NAV2: variants seen among roughly 807,000 people sequenced by gnomAD.
NAV2 encodes neuron navigator 2.
A neutral mutation model predicts 223.2 loss-of-function variants in NAV2; 54 were observed. The ratio of observed to expected loss-of-function variants is 0.24; its 90% CI spans 0.19 to 0.30. The LOEUF (loss-of-function observed/expected upper bound fraction) is 0.30. Among genes scored for constraint, NAV2 ranks in the 10% least tolerant of loss-of-function variants. NAV2 has a pLI of 1.00. For missense variants in NAV2, 2,806 were observed against 3,147.5 expected (o/e 0.89, Z 2.60); for synonymous variants, 1,279 against 1,239.3 (o/e 1.03, Z -0.67).
intron 12 of NAV2, among the ~76,000 whole-genome samples, chr11:20,042,900 C>T (rs1239453294): frequency 6.6e-6 from 1 of 152,158 alleles, no homozygotes; most frequent in East Asian, 1.9e-4. Context: ...TTCTGGTCAG[C>T]TTTATGCCTT....
intron 1 of NAV2, among the ~76,000 whole-genome samples, chr11:19,648,694 A>G (rs1017242412): frequency 6.6e-6 from 1 of 151,982 alleles, no homozygotes; most frequent in African/African-American, 2.4e-5. Flanking sequence ...GACTTTTTCT[A>G]CTCTGCTATG....
chr11:20,045,263 G>A lies in NAV2; in HGVS notation c.3495G>A (p.Arg1165=). Residue 1165 remains arginine, a synonymous_variant, in exon 14 of 38, where the codon CGG becomes CGA. Coordinates refer to ENST00000349880, the MANE Select transcript of NAV2 (RefSeq NM_145117.5). ...SSALVSRSAG[R]KSSMDGAQNQ... ...CACTCGTCAGTCGGTCTGCTGGTCG[G>A]AAGTCAAGTATGGATGGGGCTCAGA... 1 of 1,614,188 alleles carries A rather than the reference G, an allele frequency of 6.2e-7. No homozygotes were observed. Among genetic ancestry groups the A allele is most frequent in the African/African-American group, 1.3e-5 (1 of 75,052 alleles).
intron 19 of NAV2, among the ~76,000 whole-genome samples, chr11:20,061,935 G>A (rs2058735235): frequency 6.6e-6 from 1 of 152,200 alleles, no homozygotes; most frequent in African/African-American, 2.4e-5. Context: ...AGCGAAATAT[G>A]CTGGAACAGT....
At chr11:19,660,057 T>C (rs2048234608) in intron 1 of NAV2, among the ~76,000 whole-genome samples, 1 of 152,174 alleles carries the variant, frequency 6.6e-6, no homozygotes, top group Non-Finnish European at 1.5e-5. Flanking sequence ...AACTCTTGTT[T>C]GGAAAGAAAA....
chr11:20,011,046 G>T (rs1357092833), intron 11 of NAV2, among the ~76,000 whole-genome samples: 3 of 152,178 alleles, frequency 2.0e-5, no homozygotes, highest in Non-Finnish European at 4.4e-5. Flanking sequence ...GCCTGCCTAT[G>T]CATCTTCAGG....
intron 1 of NAV2, among the ~76,000 whole-genome samples, chr11:19,681,945 A>G (rs552500760): frequency 3.0e-4 from 46 of 152,320 alleles, no homozygotes; most frequent in Non-Finnish European, 5.4e-4. Flanking sequence ...CTAGCAGGGA[A>G]TAGATAGATG....
chr11:19,481,464 G>A (rs1195014654), intron 1 of NAV2, among the ~76,000 whole-genome samples: 1 of 152,186 alleles, frequency 6.6e-6, no homozygotes, highest in Non-Finnish European at 1.5e-5. Flanking sequence ...CAGTGGTTAA[G>A]AGATGACATG....
chr11:19,378,344 C>T (rs1343618340), intron 1 of NAV2, among the ~76,000 whole-genome samples: 2 of 152,042 alleles, frequency 1.3e-5, no homozygotes, highest in African/African-American at 2.4e-5. Flanking sequence ...TCTTTATTAC[C>T]CCCCTGCCCT....
chr11:19,593,068 C>T lies in NAV2; in HGVS notation c.76-239416C>T, dbSNP rs558180181. Among the ~76,000 whole-genome samples, 8 of 152,228 alleles carry T rather than the reference C, an allele frequency of 5.3e-5. No homozygotes were observed. The South Asian group carries it at 6.2e-4, about 12-fold the overall frequency. On this transcript the variant is annotated intron_variant, in intron 1 of 37. Transcript: ENST00000360655. ...TGTGAGAATCTTACACAATCACCAC[C>T]GCAATCAAGATACAGAACTCTCCCC... is the stretch of plus-strand genomic sequence containing the variant.
chr11:19,608,574 G>A (rs1426093288), intron 1 of NAV2, among the ~76,000 whole-genome samples: 1 of 152,224 alleles, frequency 6.6e-6, no homozygotes, highest in East Asian at 1.9e-4. Flanking sequence ...CCATGATCTG[G>A]AGGAGAAAAG....
chr11:20,086,166 T>C (rs992185693), intron 26 of NAV2, among the ~76,000 whole-genome samples: 1 of 152,176 alleles, frequency 6.6e-6, no homozygotes, highest in Non-Finnish European at 1.5e-5. Flanking sequence ...TCATGTATAA[T>C]GGGTGGGTGT....
intron 17 of NAV2, among the ~76,000 whole-genome samples, chr11:20,052,898 T>C (rs2058102157): frequency 6.6e-6 from 1 of 150,846 alleles, no homozygotes; most frequent in Admixed American, 6.6e-5. Context: ...AGTCCGAGGA[T>C]ACCCTGGCCA....
At chr11:20,091,690 C>T (rs1565044525) in intron 27 of NAV2, among the ~76,000 whole-genome samples, 1 of 152,148 alleles carries the variant, frequency 6.6e-6, no homozygotes, top group Admixed American at 6.5e-5. Flanking sequence ...TGAAAGATAC[C>T]TCTAGAGTCT....
rs117191593 is a variant in NAV2, at chr11:19,639,150, A to C, written c.76-193334A>C. 2.7e-3 allele frequency among the ~76,000 whole-genome samples: 407 copies of C among 152,356 alleles called. 11 individuals carry two copies. Among genetic ancestry groups the C allele is most frequent in the East Asian group, 0.023 (118 of 5,192 alleles). ...GAACTAGGGTTTCTGGAGGGTTCTC[A>C]TCATTCCCCAACAAAGATGGTTCAC... is the stretch of plus-strand genomic sequence containing the variant. On this transcript the variant is annotated intron_variant, in intron 1 of 37. Coordinates refer to the NAV2 transcript ENST00000360655.
chr11:19,475,269 GT>G (rs796070917), intron 1 of NAV2, among the ~76,000 whole-genome samples: 21 of 152,308 alleles, frequency 1.4e-4, no homozygotes, highest in African/African-American at 4.8e-4. Context: ...TGGTTTTTCT[GT>G]CCTCTTGTTT....
At chr11:19,517,895 A>G (rs956198388) in intron 1 of NAV2, among the ~76,000 whole-genome samples, 1 of 152,388 alleles carries the variant, frequency 6.6e-6, no homozygotes, top group Non-Finnish European at 1.5e-5. Flanking sequence ...ACAACTTTGC[A>G]TTAAGATGGA....
chr11:20,057,212 G>A (rs372574520), intron 19 of NAV2, among the ~76,000 whole-genome samples: 2 of 152,200 alleles, frequency 1.3e-5, no homozygotes, highest in African/African-American at 4.8e-5. Context: ...GATTGTTTAG[G>A]AAGTTTCAAG....
chr11:19,951,382 CT>C (rs1175626659), intron 10 of NAV2, among the ~76,000 whole-genome samples: 1 of 151,806 alleles, frequency 6.6e-6, no homozygotes, highest in Non-Finnish European at 1.5e-5. Context: ...TTAGAGCATC[CT>C]TTTTTTTCTA....
intron 1 of NAV2, among the ~76,000 whole-genome samples, chr11:19,552,098 C>T (rs2044709324): frequency 1.3e-5 from 2 of 152,126 alleles, no homozygotes; most frequent in African/African-American, 4.8e-5. Context: ...ACTGGGGTGG[C>T]CTGGGCCCCT....
Sources: allele counts gnomAD v4.1 joint callset (sites outside exome capture counted in the v4.1 genomes callset), GRCh38; gene constraint gnomAD v4.1.1; transcripts MANE v1.5; gene names NCBI Gene and HGNC (gene_info 2026-07-23, HGNC 2026-07-21).